Variants in RAB18 observed in about 807,000 individuals in gnomAD.
RAB18 encodes the protein RAB18, member RAS oncogene family, also known as ras-related protein Rab-18.
Under a neutral mutation model 28.5 loss-of-function variants are expected in RAB18, and 10 were observed. That is an observed-to-expected ratio of 0.35 (90% CI 0.22 to 0.60). The LOEUF (loss-of-function observed/expected upper bound fraction) is 0.60, where lower values mean the gene tolerates loss of function less well. Among genes scored for constraint, RAB18 ranks in the 20% least tolerant of loss-of-function variants. The probability of loss-of-function intolerance (pLI) is 0.78; values close to 1 mark genes in which losing one functional copy is unlikely to be tolerated. For missense variants in RAB18, 188 were observed against 244.2 expected, an observed-to-expected ratio of 0.77 and a Z score of 1.53; for synonymous variants, 93 against 86.9, an observed-to-expected ratio of 1.07 and a Z score of -0.39.
rs11015858 is a variant in RAB18 at position 27,537,306 on chromosome 10, A to T, written c.446-570A>T. ...GAGTTTTGAGAGGAAGGAATAAAGT[A>T]CTCATCTCAGACGGTGAGAAAGATC... On this transcript the variant is annotated intron_variant, in intron 6 of 6. Coordinates refer to ENST00000356940, the MANE Select transcript of RAB18 (RefSeq NM_021252.5). Among the ~76,000 whole-genome samples the T allele has an allele frequency of 0.023, 3,527 of 152,304 alleles. 308 individuals are homozygous for T. The East Asian group carries it at 0.3, about 13-fold the overall frequency.
chr10:27,531,516 T>G, intron 3 of RAB18: 1 of 1,537,716 alleles, frequency 6.5e-7, no homozygotes, highest in Non-Finnish European at 8.8e-7. Flanking sequence ...TTTTTACTTT[T>G]ACTTTTCTTT....
intron 6 of RAB18, among the ~76,000 whole-genome samples, chr10:27,534,668 C>T (rs1834856797): frequency 6.6e-6 from 1 of 152,194 alleles, no homozygotes; most frequent in South Asian, 2.1e-4. Flanking sequence ...ATGTCAGAAT[C>T]ACCTGGGCCC....
intron 2 of RAB18, among the ~76,000 whole-genome samples, chr10:27,514,450 A>G (rs895274097): frequency 1.1e-4 from 17 of 152,222 alleles, no homozygotes; most frequent in African/African-American, 3.9e-4. Context: ...AGAAAAATAA[A>G]TGAAATTAGA....
intron 2 of RAB18, among the ~76,000 whole-genome samples, chr10:27,522,313 T>G (rs920631235): frequency 6.6e-6 from 1 of 152,198 alleles, no homozygotes; most frequent in African/African-American, 2.4e-5. Context: ...ATATTTTGTT[T>G]TAGTCTCCTA....
intron 3 of RAB18, among the ~76,000 whole-genome samples, chr10:27,529,172 A>G (rs1430403443): frequency 2.0e-5 from 3 of 151,896 alleles, no homozygotes; most frequent in African/African-American, 7.2e-5. Context: ...GCCATATGCT[A>G]CAGATTTTTT....
Position 27,526,866 on chromosome 10 carries a change from A to C in RAB18, c.163A>C (p.Asn55His). The change falls in exon 3 of 7, where the codon AAT becomes CAT. Residue 55 changes from asparagine to histidine, a missense_variant. Transcript: ENST00000356940. The stretch of plus-strand genomic sequence containing the variant: ...GGTGAAAACAATTTCAGTGGATGGA[A>C]ATAAGGCTAAACTTGCAATATGGGT... ...FKVKTISVDG[N>H]KAKLAIWDTA... The C allele has an allele frequency of 3.1e-6, 5 of 1,613,264 alleles. No individual in the cohort carries two copies. Among genetic ancestry groups the C allele is most frequent in the Non-Finnish European group, 4.2e-6 (5 of 1,179,472 alleles).
chr10:27,506,314 T>A (rs1209730799), intron 1 of RAB18, among the ~76,000 whole-genome samples: 1 of 151,964 alleles, frequency 6.6e-6, no homozygotes, highest in African/African-American at 2.4e-5. Context: ...TAAACAAAAT[T>A]CCTCTGCTCT....
intron 3 of RAB18, among the ~76,000 whole-genome samples, chr10:27,527,818 T>G (rs1834709018): frequency 6.6e-6 from 1 of 152,112 alleles, no homozygotes; most frequent in Non-Finnish European, 1.5e-5. Flanking sequence ...TGGCATTCTC[T>G]GAATGGCACA....
At chr10:27,525,021 A>G (rs1834643931) in intron 2 of RAB18, among the ~76,000 whole-genome samples, 1 of 152,182 alleles carries the variant, frequency 6.6e-6, no homozygotes, top group African/African-American at 2.4e-5. Context: ...TGTCAAAAGC[A>G]TAACTTAGAG....
At chr10:27,527,530 C>T (rs1359038908) in intron 3 of RAB18, among the ~76,000 whole-genome samples, 1 of 151,614 alleles carries the variant, frequency 6.6e-6, no homozygotes, top group African/African-American at 2.4e-5. Context: ...GTCTATTTAC[C>T]CACCCACATA....
At chr10:27,521,357 T>C (rs2132388311) in intron 2 of RAB18, among the ~76,000 whole-genome samples, 1 of 152,304 alleles carries the variant, frequency 6.6e-6, no homozygotes, top group Admixed American at 6.5e-5. Flanking sequence ...AAGTGGTGTA[T>C]TAAAATCTCC....
chr10:27,515,829 C>T (rs970679313), intron 2 of RAB18, among the ~76,000 whole-genome samples: 1 of 152,018 alleles, frequency 6.6e-6, no homozygotes, highest in Non-Finnish European at 1.5e-5. Context: ...ATCTGATCCT[C>T]CTTCCTTCTT....
chr10:27,505,043 G>T, intron 1 of RAB18: 1 of 533,526 alleles, frequency 1.9e-6, no homozygotes, highest in Middle Eastern at 3.2e-4. Flanking sequence ...AGGTCCGAGT[G>T]CTTCAGCCGT....
Position 27,538,118 on chromosome 10 carries a change from T to C in RAB18, c.*67T>C, listed in dbSNP as rs994086503. On this transcript the variant is annotated 3_prime_UTR_variant, in exon 7 of 7. Transcript: ENST00000356940. ...GACATCTTTCTGTATATAAACTCTTTAACTGCTATTTTAGGGACCTTGCAG... is the reference window on the plus strand; with the variant it reads ...GACATCTTTCTGTATATAAACTCTTCAACTGCTATTTTAGGGACCTTGCAG... The C allele has an allele frequency of 6.3e-7, 1 of 1,591,506 alleles. No homozygotes were observed. Among genetic ancestry groups the C allele is most frequent in the Non-Finnish European group, 8.6e-7 (1 of 1,159,784 alleles).
At position 27,504,309 on chromosome 10, in the gene RAB18, G is replaced by A. The variant is rs905199065; in HGVS notation, c.-61G>A. The A allele has an allele frequency of 1.3e-6, 2 of 1,512,560 alleles. No individual in the cohort carries two copies. The highest frequency in any genetic ancestry group is 1.4e-5 in the African/African-American group (1 of 72,776). The allele number at this position is 1,512,560 out of a possible 1,614,324, so 93.7% of individuals were successfully genotyped here. A position where few individuals can be genotyped will look rare whatever the true frequency, so the allele number is the denominator to read the frequency against. On this transcript the variant is annotated 5_prime_UTR_variant, in exon 1 of 7. Coordinates refer to ENST00000356940, the MANE Select transcript of RAB18 (RefSeq NM_021252.5). ...GCGCGCATGCGCAGCAGCTCACTCT[G>A]CTGAAGGGCTGAGAGGCGCACCCGG... is the stretch of plus-strand genomic sequence containing the variant.
intron 2 of RAB18, among the ~76,000 whole-genome samples, chr10:27,526,057 T>C (rs998666042): frequency 6.6e-6 from 1 of 152,224 alleles, no homozygotes; most frequent in African/African-American, 2.4e-5. Flanking sequence ...TGTCAACTCC[T>C]TTTCCTGGAA....
chr10:27,541,328 A>G lies in RAB18; in HGVS notation c.*3277A>G, dbSNP rs1452885870. The G allele has an allele frequency of 4.5e-6, 2 of 446,972 alleles. No individual in the cohort carries two copies. Among genetic ancestry groups the G allele is most frequent in the East Asian group, 7.1e-5 (1 of 14,178 alleles). The allele number at this position is 446,972 out of a possible 1,614,324, so 27.7% of individuals were successfully genotyped here. On this transcript the variant is annotated 3_prime_UTR_variant, in exon 7 of 7. Transcript: ENST00000356940. ...AAGTCAAGACTAGGGGCTAAGGAAT[A>G]TAGAATCACCCAGGTCTTTTTTTTT... is the stretch of plus-strand genomic sequence containing the variant.
intron 6 of RAB18, 30 bp from the exon 7 acceptor site, chr10:27,537,846 C>G: frequency 6.3e-7 from 1 of 1,576,864 alleles, no homozygotes; most frequent in Non-Finnish European, 8.7e-7. Flanking sequence ...AAGGAATATA[C>G]TATGAATGAC....
At chr10:27,525,683 C>T (rs1449007916) in intron 2 of RAB18, among the ~76,000 whole-genome samples, 1 of 151,976 alleles carries the variant, frequency 6.6e-6, no homozygotes, top group East Asian at 1.9e-4. Flanking sequence ...CCTTTATCAC[C>T]CCAGCTCAAA....
Sources: gnomAD v4.1 joint callset for allele counts (sites outside exome capture counted in the v4.1 genomes callset) on GRCh38, gnomAD v4.1.1 for gene constraint, MANE v1.5 for transcripts, NCBI Gene and HGNC (gene_info 2026-07-23, HGNC 2026-07-21) for gene names.